The following VCAN variants were observed in gnomAD, a reference collection of about 807,000 sequenced individuals.
VCAN encodes versican core protein.
A neutral mutation model predicts 245.5 loss-of-function variants in VCAN; 44 were observed. That is an observed-to-expected ratio of 0.18 (90% CI 0.14 to 0.23). The LOEUF is 0.23. Ranked by LOEUF, VCAN falls within the 10% of genes least tolerant of loss-of-function variation. The probability of loss-of-function intolerance (pLI) is 1.00; values close to 1 mark genes in which losing one functional copy is unlikely to be tolerated. For synonymous variants in VCAN, 1,413 were observed against 1,437.0 expected, an observed-to-expected ratio of 0.98 and a Z score of 0.38; for missense variants, 3,793 against 4,057.9, an observed-to-expected ratio of 0.93 and a Z score of 1.77.
intron 8 of VCAN, 91 bp downstream of exon 8, chr5:83,542,359 T>C: frequency 7.4e-7 from 1 of 1,347,054 alleles, no homozygotes. Context: ...TATTGTGATG[T>C]TAAATCAATG....
At chr5:83,559,962 A>G (rs1398329770) in intron 12 of VCAN, among the ~76,000 whole-genome samples, 1 of 151,958 alleles carries the variant, frequency 6.6e-6, no homozygotes, top group African/African-American at 2.4e-5. Context: ...ACCAGTATGA[A>G]AAACATCAAA....
rs185634550 is a variant in VCAN, at chr5:83,514,041, A to C, written c.1042+1645A>C. ...CTGTAGCCACAAAGACTATTATTAA[A>C]GAATTCATCCTGATGTGTTTTAAAT... On this transcript the variant is annotated intron_variant, in intron 6 of 14. Coordinates refer to ENST00000265077, the MANE Select transcript of VCAN (RefSeq NM_004385.5). Among the ~76,000 whole-genome samples the C allele has an allele frequency of 2.0e-5, 3 of 152,366 alleles. No homozygotes were observed. In the East Asian group the frequency reaches 5.8e-4, roughly 29 times the overall value.
intron 6 of VCAN, among the ~76,000 whole-genome samples, chr5:83,515,514 C>A (rs1273117643): frequency 6.6e-6 from 1 of 152,180 alleles, no homozygotes; most frequent in Non-Finnish European, 1.5e-5. Flanking sequence ...TGAATAACAG[C>A]CATTTCTATT....
In VCAN at chr5:83,508,648, A is replaced by G. The variant is rs566747287; in HGVS notation, c.749-3455A>G. 2.0e-5 allele frequency among the ~76,000 whole-genome samples: 3 copies of G among 152,360 alleles called. No individual in the cohort carries two copies. The East Asian group carries it at 5.8e-4, about 29-fold the overall frequency. Reference sequence around the variant, plus strand: ...TTTTTCCTTTTCTCATTATTCTGAAATAAAGTAATTATTGCTGAATAAAAT... The same window carrying G: ...TTTTTCCTTTTCTCATTATTCTGAAGTAAAGTAATTATTGCTGAATAAAAT... On this transcript the variant is annotated intron_variant, in intron 5 of 14. Coordinates refer to ENST00000265077, the MANE Select transcript of VCAN (RefSeq NM_004385.5).
At chr5:83,476,610 T>C (rs954727609) in intron 1 of VCAN, among the ~76,000 whole-genome samples, 1 of 152,188 alleles carries the variant, frequency 6.6e-6, no homozygotes, top group African/African-American at 2.4e-5. Flanking sequence ...CCATTTCAAT[T>C]AGTGAATTTT....
chr5:83,527,203 C>G (rs552662069), intron 7 of VCAN, among the ~76,000 whole-genome samples: 6 of 152,302 alleles, frequency 3.9e-5, no homozygotes, highest in African/African-American at 1.4e-4. Flanking sequence ...TAATATGGGG[C>G]AGTATGCATG....
At position 83,547,819 on chromosome 5, in the gene VCAN, G is replaced by A. The variant is rs141730802; in HGVS notation, c.9380-152G>A. The stretch of plus-strand genomic sequence containing the variant: ...TATAGGTTTGCCCTAAATATGGCAC[G>A]GACATACTTATGCTAACAAATTATA... On this transcript the variant is annotated intron_variant, in intron 9 of 14. Transcript: ENST00000265077. 106 of 698,160 alleles carry A rather than the reference G, an allele frequency of 1.5e-4. 1 individual carries two copies. In the East Asian group the frequency reaches 2.7e-3, roughly 18 times the overall value. 43.2% of individuals were successfully genotyped at this position (698,160 alleles called of 1,614,324 possible).
intron 10 of VCAN, among the ~76,000 whole-genome samples, chr5:83,551,397 A>C (rs1212166366): frequency 6.6e-6 from 1 of 152,062 alleles, no homozygotes; most frequent in Non-Finnish European, 1.5e-5. Context: ...CTGTAGTCCC[A>C]GCTACTAGGG....
At chr5:83,545,836 A>C (rs566764728) in intron 9 of VCAN, among the ~76,000 whole-genome samples, 186 bp downstream of exon 9, 2 of 152,332 alleles carry the variant, frequency 1.3e-5, no homozygotes, top group South Asian at 2.1e-4. Flanking sequence ...TATTCAGTGA[A>C]TTCTGTTAAC....
intron 1 of VCAN, among the ~76,000 whole-genome samples, 173 bp from the exon 2 acceptor site, chr5:83,483,340 C>G (rs1744676782): frequency 6.6e-6 from 1 of 152,164 alleles, no homozygotes; most frequent in African/African-American, 2.4e-5. Context: ...ATAGCTTCTG[C>G]TATTACAAGT....
chr5:83,513,373 G>A (rs951665158), intron 6 of VCAN, among the ~76,000 whole-genome samples: 1 of 152,158 alleles, frequency 6.6e-6, no homozygotes, highest in African/African-American at 2.4e-5. Flanking sequence ...AGTACAAAAT[G>A]TACTAGCTTA....
At chr5:83,515,289 C>T (rs533265621) in intron 6 of VCAN, among the ~76,000 whole-genome samples, 2 of 152,326 alleles carry the variant, frequency 1.3e-5, no homozygotes, top group Admixed American at 6.5e-5. Context: ...TCATTTCATA[C>T]ATCCCCAAAC....
intron 5 of VCAN, among the ~76,000 whole-genome samples, chr5:83,499,167 A>C (rs1745256128): frequency 6.6e-6 from 1 of 151,956 alleles, no homozygotes; most frequent in Non-Finnish European, 1.5e-5. Context: ...TGCAGCTCAC[A>C]CTGAAATTTC....
chr5:83,476,486 G>C (rs772754893), intron 1 of VCAN, among the ~76,000 whole-genome samples: 1 of 152,172 alleles, frequency 6.6e-6, no homozygotes, highest in African/African-American at 2.4e-5. Context: ...TCTGGTCTGA[G>C]AAAATATGCT....
At chr5:83,493,958 C>A in intron 5 of VCAN, 27 bp downstream of exon 5, 1 of 1,613,532 alleles carries the variant, frequency 6.2e-7, no homozygotes, top group South Asian at 1.1e-5. Context: ...TCTATATCTT[C>A]GTATGAACTG....
At position 83,556,227 on chromosome 5, in the gene VCAN, G is replaced by A. The variant is rs770127918; in HGVS notation, c.9735+1189G>A. Among the ~76,000 whole-genome samples the A allele has an allele frequency of 5.3e-5, 8 of 152,282 alleles. No homozygotes were observed. In the East Asian group the frequency reaches 1.4e-3, roughly 26 times the overall value. ...TCACCTGTTTTACAGGTAAAGAAAG[G>A]GAAGGTCAGTTAGGTTGAGCTATTT... is the stretch of plus-strand genomic sequence containing the variant. On this transcript the variant is annotated intron_variant, in intron 12 of 14. Transcript: ENST00000265077.
chr5:83,555,106 C>A, intron 12 of VCAN, 68 bp downstream of exon 12: 1 of 1,514,012 alleles, frequency 6.6e-7, no homozygotes, highest in Non-Finnish European at 9.2e-7. Flanking sequence ...ACTGATTGTG[C>A]ATTACAGAGG....
chr5:83,566,292 A>C (rs932716423), intron 12 of VCAN, among the ~76,000 whole-genome samples: 6 of 152,136 alleles, frequency 3.9e-5, no homozygotes, highest in Non-Finnish European at 8.8e-5. Context: ...CTTTGCAAAA[A>C]GGCAGTTATC....
In VCAN at chr5:83,540,742, T is replaced by C; in HGVS notation, c.7739T>C (p.Ile2580Thr). 5 of 1,614,020 alleles carry C rather than the reference T, an allele frequency of 3.1e-6. No homozygotes were observed. The change falls in exon 8 of 15, where the codon ATT becomes ACT. Residue 2580 changes from isoleucine to threonine, a missense_variant. By Grantham distance (89) the Ile-to-Thr change is moderately conservative. Around this residue, in one of 5 missense-constraint regions of VCAN, gnomAD observed 3,182 missense variants for 3,250.3 expected, o/e 0.98. Transcript: ENST00000265077. ...LTSDKNTIID[I>T]DHTKPVYEDI... ...TCGGATAAAAATACTATCATAGATA[T>C]TGATCATACTAAACCTGTGTATGAA... is the stretch of plus-strand genomic sequence containing the variant.
Sources: allele counts gnomAD v4.1 joint callset (sites outside exome capture counted in the v4.1 genomes callset), GRCh38; gene constraint gnomAD v4.1.1; regional missense constraint gnomAD v4.1.1; transcripts MANE v1.5; gene names NCBI Gene and HGNC (gene_info 2026-07-23, HGNC 2026-07-21).